Variants in FRMD4A observed in about 807,000 individuals in gnomAD.
FRMD4A encodes FERM domain-containing protein 4A.
FRMD4A carries 29 observed loss-of-function variants against 129.1 expected under a neutral mutation model. That is an observed-to-expected ratio of 0.22 (90% CI 0.17 to 0.31). The LOEUF (loss-of-function observed/expected upper bound fraction) is 0.31, where lower values mean the gene tolerates loss of function less well. Ranked by LOEUF, FRMD4A falls within the 10% of genes least tolerant of loss-of-function variation. FRMD4A has a pLI of 1.00. For synonymous variants in FRMD4A, 634 were observed against 571.6 expected (o/e 1.11, Z -1.56); for missense variants, 1,272 against 1,375.8 (o/e 0.92, Z 1.19).
chr10:14,182,395 A>G (rs1475819831), intron 2 of FRMD4A, among the ~76,000 whole-genome samples: 1 of 152,164 alleles, frequency 6.6e-6, no homozygotes, highest in African/African-American at 2.4e-5. Flanking sequence ...AAAAATAATA[A>G]TAATAGCCAG....
At chr10:14,290,774 T>C (rs994665248) in intron 2 of FRMD4A, among the ~76,000 whole-genome samples, 8 of 152,000 alleles carry the variant, frequency 5.3e-5, no homozygotes, top group Non-Finnish European at 8.8e-5. Context: ...CAAAGGATAC[T>C]CAAACACTTT....
At chr10:13,650,793 A>T (rs1414080514) in intron 24 of FRMD4A, among the ~76,000 whole-genome samples, 1 of 152,160 alleles carries the variant, frequency 6.6e-6, no homozygotes, top group Non-Finnish European at 1.5e-5. Flanking sequence ...TTATCTGTGC[A>T]TCCATGTTTT....
At chr10:14,247,946 C>T (rs1844303077) in intron 2 of FRMD4A, among the ~76,000 whole-genome samples, 1 of 152,216 alleles carries the variant, frequency 6.6e-6, no homozygotes, top group African/African-American at 2.4e-5. Context: ...ACAAACGACT[C>T]TACATGGCCA....
At chr10:13,846,255 G>T (rs576591439) in intron 3 of FRMD4A, among the ~76,000 whole-genome samples, 1 of 152,176 alleles carries the variant, frequency 6.6e-6, no homozygotes, top group Non-Finnish European at 1.5e-5. Context: ...AGTAATTGTG[G>T]TTTTTGCCAT....
rs551011444 is a variant in FRMD4A, at chr10:13,904,992, C to CAAAGAAAAAAAAAAAAAAAAAAAAAA, written c.46-46081_46-46080insTTTTTTTTTTTTTTTTTTTTTTCTTT. 5.5e-5 allele frequency among the ~76,000 whole-genome samples: 6 copies of CAAAGAAAAAAAAAAAAAAAAAAAAAA among 109,434 alleles called. 3 individuals carry two copies. Among genetic ancestry groups the CAAAGAAAAAAAAAAAAAAAAAAAAAA allele is most frequent in the South Asian group, 6.1e-4 (2 of 3,270 alleles). The allele number at this position is 109,434 out of a possible 152,430, so 71.8% of individuals were successfully genotyped here. ...TGGGCGACAGAGTGAGACTCTATCTCAAAAAAAAAAAAAAAAAAGAAAAGA... is the reference window on the plus strand; with the variant it reads ...TGGGCGACAGAGTGAGACTCTATCTCAAAGAAAAAAAAAAAAAAAAAAAAAAAAAAAAAAAAAAAAAAAAGAAAAGA... On this transcript the variant is annotated intron_variant, in intron 2 of 24. Coordinates refer to ENST00000357447, the MANE Select transcript of FRMD4A (RefSeq NM_018027.5).
intron 2 of FRMD4A, among the ~76,000 whole-genome samples, chr10:13,870,427 C>G (rs991288201): frequency 1.3e-5 from 2 of 152,248 alleles, no homozygotes; most frequent in Non-Finnish European, 1.5e-5. Context: ...ACCATCCTCT[C>G]CCTTGCCGTG....
chr10:14,085,634 A>T (rs1836224079), intron 2 of FRMD4A, among the ~76,000 whole-genome samples: 1 of 152,194 alleles, frequency 6.6e-6, no homozygotes, highest in Admixed American at 6.5e-5. Flanking sequence ...AGAGGCCACC[A>T]TGCGCCAGAG....
chr10:13,884,214 A>ACACGCT (rs1564971865), intron 2 of FRMD4A, among the ~76,000 whole-genome samples: 2 of 115,330 alleles, frequency 1.7e-5, no homozygotes, highest in South Asian at 8.4e-4. Flanking sequence ...ACACTCACAC[A>ACACGCT]CACACACACA....
At chr10:14,006,586 G>A (rs570244965) in intron 2 of FRMD4A, among the ~76,000 whole-genome samples, 10 of 152,196 alleles carry the variant, frequency 6.6e-5, no homozygotes, top group East Asian at 1.9e-4. Context: ...GTGTGTGCGC[G>A]TCTATAAAGG....
At chr10:14,199,547 G>A (rs538063653) in intron 2 of FRMD4A, among the ~76,000 whole-genome samples, 4 of 151,890 alleles carry the variant, frequency 2.6e-5, no homozygotes, top group African/African-American at 9.7e-5. Flanking sequence ...CCACCACCAC[G>A]TCTGGCTAAT....
intron 2 of FRMD4A, among the ~76,000 whole-genome samples, chr10:14,234,454 G>A (rs769047063): frequency 1.2e-4 from 18 of 152,190 alleles, no homozygotes; most frequent in Admixed American, 4.6e-4. Flanking sequence ...CGGGGTTGAT[G>A]TGAAATTAGG....
chr10:14,194,123 T>C (rs1842400426), intron 2 of FRMD4A, among the ~76,000 whole-genome samples: 1 of 152,218 alleles, frequency 6.6e-6, no homozygotes, highest in Non-Finnish European at 1.5e-5. Flanking sequence ...TTTATACTTA[T>C]CTTCATTTTG....
At chr10:13,936,636 A>T (rs1039385273) in intron 2 of FRMD4A, among the ~76,000 whole-genome samples, 3 of 152,106 alleles carry the variant, frequency 2.0e-5, no homozygotes, top group Admixed American at 2.0e-4. Flanking sequence ...TCATACACCA[A>T]ATCTACCCCC....
intron 2 of FRMD4A, chr10:14,326,951 C>G: frequency 7.5e-6 from 3 of 398,690 alleles, no homozygotes; most frequent in South Asian, 1.3e-4. Flanking sequence ...CTCTCCAAGT[C>G]CCCCCTTCCG....
intron 2 of FRMD4A, among the ~76,000 whole-genome samples, chr10:14,117,273 T>C: frequency 6.6e-6 from 1 of 152,250 alleles, no homozygotes; most frequent in East Asian, 1.9e-4. Flanking sequence ...GCCTAGCATG[T>C]GACAGGCACT....
At chr10:14,263,372 G>A (rs369740174) in intron 2 of FRMD4A, among the ~76,000 whole-genome samples, 1 of 152,144 alleles carries the variant, frequency 6.6e-6, no homozygotes, top group African/African-American at 2.4e-5. Flanking sequence ...CAAGGCTGCC[G>A]GCCAGACATG....
intron 2 of FRMD4A, chr10:13,890,907 G>A: frequency 1.0e-6 from 1 of 963,824 alleles, no homozygotes; most frequent in Non-Finnish European, 1.2e-6. Context: ...CTGAATGTAC[G>A]AACAGTTACT....
chr10:13,943,413 GC>G (rs1234540087), intron 2 of FRMD4A, among the ~76,000 whole-genome samples: 4 of 152,168 alleles, frequency 2.6e-5, no homozygotes, highest in African/African-American at 9.6e-5. Context: ...ACTTTGGGAG[GC>G]TGAGGTGGAT....
At position 14,039,407 on chromosome 10, in the gene FRMD4A, C is replaced by CATCTATCTATCTATCT. The variant is rs1265069563; in HGVS notation, c.46-180511_46-180496dup. Among the ~76,000 whole-genome samples the CATCTATCTATCTATCT allele has an allele frequency of 3.5e-3, 516 of 147,804 alleles. 14 individuals carry two copies. Among genetic ancestry groups the CATCTATCTATCTATCT allele is most frequent in the African/African-American group, 0.013 (494 of 38,694 alleles). ...CCATCCATCCATCCATCCATCCATC[C>CATCTATCTATCTATCT]ATCTATCTATCTATCTATCTATCTA... is the stretch of plus-strand genomic sequence containing the variant. On this transcript the variant is annotated intron_variant, in intron 2 of 24. Coordinates refer to ENST00000357447, the MANE Select transcript of FRMD4A (RefSeq NM_018027.5).
Sources: allele counts gnomAD v4.1 joint callset (sites outside exome capture counted in the v4.1 genomes callset), GRCh38; gene constraint gnomAD v4.1.1; transcripts MANE v1.5; gene names NCBI Gene and HGNC (gene_info 2026-07-23, HGNC 2026-07-21).